Variants in LHFPL2 observed in about 807,000 individuals in gnomAD.
LHFPL2 encodes the protein LHFPL tetraspan subfamily member 2 protein.
A neutral mutation model predicts 17.5 loss-of-function variants in LHFPL2; 7 were observed. The ratio of observed to expected loss-of-function variants is 0.40; its 90% confidence interval spans 0.23 to 0.75. The LOEUF (loss-of-function observed/expected upper bound fraction) is 0.75, where lower values mean the gene tolerates loss of function less well. Among genes scored for constraint, LHFPL2 ranks in the 30% least tolerant of loss-of-function variants. The pLI is 0.37. For missense variants in LHFPL2, 241 were observed against 294.8 expected, an observed-to-expected ratio of 0.82 and a Z score of 1.34; for synonymous variants, 134 against 116.2, an observed-to-expected ratio of 1.15 and a Z score of -0.99.
At position 78,489,008 on chromosome 5, in the gene LHFPL2, T is replaced by C; in HGVS notation, c.576A>G (p.Thr192=). 1 of 1,614,236 alleles carries C rather than the reference T, an allele frequency of 6.2e-7. No individual in the cohort carries two copies. Among genetic ancestry groups the C allele is most frequent in the African/African-American group, 1.3e-5 (1 of 75,064 alleles). Residue 192 remains threonine (T), a synonymous_variant, in exon 5 of 5, where the codon ACA becomes ACG. Coordinates refer to ENST00000380345, the MANE Select transcript of LHFPL2 (RefSeq NM_005779.3). ...AGACAGCACAGATGAAAGTGAGGACTGTGCCCCCAATGGCGGTATAAAAGG... is the reference window on the plus strand; with the variant it reads ...AGACAGCACAGATGAAAGTGAGGACCGTGCCCCCAATGGCGGTATAAAAGG... ...GWAFYTAIGG[T]VLTFICAVFS...
In LHFPL2 at chr5:78,487,105, T is replaced by TC. The variant is rs1754273391; in HGVS notation, c.*1791dup. ...TCACCAAAATCACAGGATTTACATC[T>TC]CACTCACTTTGAATTTTGGTTCAGG... On this transcript the variant is annotated 3_prime_UTR_variant, in exon 5 of 5. Transcript: ENST00000380345. The TC allele has an allele frequency of 6.6e-6, 1 of 152,112 alleles. No homozygotes were observed. Among genetic ancestry groups the TC allele is most frequent in the South Asian group, 2.1e-4 (1 of 4,832 alleles). 9.4% of individuals were successfully genotyped at this position (152,112 alleles called of 1,614,324 possible).
At chr5:78,641,301 C>CTAT (rs536348931) in intron 1 of LHFPL2, among the ~76,000 whole-genome samples, 83 of 152,350 alleles carry the variant, frequency 5.4e-4, no homozygotes, top group African/African-American at 1.9e-3. Flanking sequence ...TATCATCCAC[C>CTAT]TATTACCCTT....
intron 3 of LHFPL2, among the ~76,000 whole-genome samples, chr5:78,525,350 T>A (rs575129089): frequency 2.0e-4 from 31 of 152,378 alleles, no homozygotes; most frequent in African/African-American, 7.5e-4. Context: ...AATGAGAGAA[T>A]ACATGTAAAG....
chr5:78,570,061 C>A (rs1756955865), intron 2 of LHFPL2, among the ~76,000 whole-genome samples: 3 of 152,122 alleles, frequency 2.0e-5, no homozygotes, highest in Admixed American at 6.5e-5. Context: ...TAATTCTTAC[C>A]TCTTCCCCAA....
chr5:78,555,080 G>T (rs913171799), intron 3 of LHFPL2, among the ~76,000 whole-genome samples: 1 of 152,038 alleles, frequency 6.6e-6, no homozygotes. Flanking sequence ...GCTAATAAAG[G>T]ATAATTCCAA....
At chr5:78,541,267 C>G (rs1756105203) in intron 3 of LHFPL2, among the ~76,000 whole-genome samples, 2 of 152,070 alleles carry the variant, frequency 1.3e-5, no homozygotes, top group South Asian at 4.1e-4. Context: ...ATTTGGGCAA[C>G]TAGAGGGAGG....
chr5:78,509,414 C>T (rs1025345962), intron 4 of LHFPL2, among the ~76,000 whole-genome samples: 29 of 152,192 alleles, frequency 1.9e-4, no homozygotes, highest in African/African-American at 6.8e-4. Flanking sequence ...GTGGGACTCA[C>T]GCTCTCCATA....
intron 3 of LHFPL2, among the ~76,000 whole-genome samples, chr5:78,534,157 G>A (rs1755868523): frequency 6.6e-6 from 1 of 152,210 alleles, no homozygotes; most frequent in South Asian, 2.1e-4. Flanking sequence ...CCAGAGACCT[G>A]GCTGTACAGT....
intron 2 of LHFPL2, among the ~76,000 whole-genome samples, chr5:78,598,500 C>G (rs1252922418): frequency 6.6e-6 from 1 of 152,168 alleles, no homozygotes; most frequent in Admixed American, 6.5e-5. Context: ...ATACATACTA[C>G]TTTTTCAAAT....
rs1754324621 is a variant in LHFPL2, at chr5:78,488,482, A to G, written c.*415T>C. On this transcript the variant is annotated 3_prime_UTR_variant, in exon 5 of 5. Transcript: ENST00000380345. ...AAGAACAGAGGAAAACAAGAACTCC[A>G]ACCCAAAACCCCATTCTGAGGCAGA... The G allele has an allele frequency of 4.6e-6, 1 of 218,616 alleles. No homozygotes were observed. The highest frequency in any genetic ancestry group is 2.3e-5 in the African/African-American group (1 of 44,100). 13.5% of individuals were successfully genotyped at this position (218,616 alleles called of 1,614,324 possible). A position where few individuals can be genotyped will look rare whatever the true frequency, so the allele number is the denominator to read the frequency against.
chr5:78,555,885 G>C (rs890601149), intron 3 of LHFPL2, among the ~76,000 whole-genome samples: 3 of 152,266 alleles, frequency 2.0e-5, no homozygotes, highest in African/African-American at 4.8e-5. Flanking sequence ...AACATCAGGA[G>C]AGGAGAAGCA....
At chr5:78,495,876 G>T (rs746988301) in intron 4 of LHFPL2, among the ~76,000 whole-genome samples, 13 of 152,134 alleles carry the variant, frequency 8.5e-5, no homozygotes, top group Non-Finnish European at 1.9e-4. Flanking sequence ...ATGCTGTAGG[G>T]TTTCAGAGGC....
intron 4 of LHFPL2, among the ~76,000 whole-genome samples, chr5:78,490,579 C>T (rs556774978): frequency 3.7e-4 from 56 of 151,856 alleles, no homozygotes; most frequent in African/African-American, 5.8e-4. Context: ...GGTGAAACCC[C>T]GTCTAACTAA....
chr5:78,507,550 T>C (rs1754968643), intron 4 of LHFPL2, among the ~76,000 whole-genome samples: 1 of 152,162 alleles, frequency 6.6e-6, no homozygotes, highest in African/African-American at 2.4e-5. Flanking sequence ...AGGATACCTA[T>C]GCTTTGCTTC....
At chr5:78,500,024 GAA>G (rs1031385394) in intron 4 of LHFPL2, among the ~76,000 whole-genome samples, 1 of 66,092 alleles carries the variant, frequency 1.5e-5, no homozygotes, top group Non-Finnish European at 3.5e-5. Context: ...GGACCAAAAG[GAA>G]AAAAAAAAAA....
At chr5:78,640,108 C>T (rs953106450) in intron 1 of LHFPL2, among the ~76,000 whole-genome samples, 3 of 152,166 alleles carry the variant, frequency 2.0e-5, no homozygotes, top group East Asian at 1.9e-4. Context: ...CTTAATTTTC[C>T]GGGCATGTGG....
chr5:78,584,907 C>T (rs1743310449), intron 2 of LHFPL2, among the ~76,000 whole-genome samples: 1 of 151,302 alleles, frequency 6.6e-6, no homozygotes, highest in African/African-American at 2.4e-5. Context: ...GCAGTTTGAT[C>T]TCTGACTGCT....
At chr5:78,559,024 C>T (rs1306719515) in intron 3 of LHFPL2, among the ~76,000 whole-genome samples, 3 of 152,194 alleles carry the variant, frequency 2.0e-5, no homozygotes, top group Non-Finnish European at 2.9e-5. Context: ...CTCCATGAGG[C>T]TATGTTTCAT....
At chr5:78,501,028 T>C (rs143554416) in intron 4 of LHFPL2, among the ~76,000 whole-genome samples, 174 of 152,320 alleles carry the variant, frequency 1.1e-3, no homozygotes, top group African/African-American at 3.8e-3. Context: ...ACTATGTACG[T>C]AGTGGGTTCC....
Sources: allele counts gnomAD v4.1 joint callset (sites outside exome capture counted in the v4.1 genomes callset), GRCh38; gene constraint gnomAD v4.1.1; transcripts MANE v1.5; gene names NCBI Gene and HGNC (gene_info 2026-07-23, HGNC 2026-07-21).